Variants in GFAP observed in about 807,000 individuals in gnomAD.
The protein encoded by GFAP is glial fibrillary acidic protein.
In GFAP, 38 loss-of-function variants were observed where a neutral mutation model predicts 49.3. That is an observed-to-expected ratio of 0.77 (90% CI 0.60 to 1.01). The LOEUF is 1.01. GFAP is among the 50% of genes least tolerant of loss of function. The pLI, the probability that GFAP is intolerant of heterozygous loss-of-function variation, is 0.00. For synonymous variants in GFAP, 222 were observed against 236.4 expected (o/e 0.94, Z 0.56); for missense variants, 463 against 579.1 (o/e 0.80, Z 2.06).
rs886053019 is a variant in GFAP at position 44,915,135 on chromosome 17, C to G, written c.352G>C (p.Ala118Pro). The G allele has an allele frequency of 3.7e-6, 6 of 1,614,006 alleles. No homozygotes were observed. The highest frequency in any genetic ancestry group is 5.1e-6 in the Non-Finnish European group (6 of 1,180,046). Residue 118 changes from alanine to proline, a missense_variant, in exon 1 of 9, where the codon GCT becomes CCT. Around this residue, in one of 3 missense-constraint regions of GFAP, gnomAD observed 362 missense variants for 445.5 expected, o/e 0.81. Transcript: ENST00000588735. This position sits in a 1 kb window ranked among gnomAD's most constrained non-coding sequence, Gnocchi z 4.1. ...CGCAGCCGCAGCTCTCGCAGCTCAG[C>G]CTGGTAGACGTCTGCCAGCTTGGTG... ...EPTKLADVYQ[A>P]ELRELRLRLD...
chr17:44,909,620 T>TCCCCCCCCCCCCCCCC (rs201259008), intron 7 of GFAP: 1 of 112,536 alleles, frequency 8.9e-6, no homozygotes, highest in Non-Finnish European at 1.7e-5. Flanking sequence ...AGCTCCCCCC[T>TCCCCCCCCCCCCCCCC]CCCCCCGCCC....
intron 4 of GFAP, 94 bp from the exon 5 acceptor site, chr17:44,911,891 C>T: frequency 2.8e-6 from 4 of 1,436,912 alleles, no homozygotes; most frequent in Non-Finnish European, 3.8e-6. Flanking sequence ...CAGTTAACCC[C>T]AGGACGTTGG....
rs1205505605 is a variant in GFAP, at chr17:44,906,915, A to T, written c.*432T>A. On this transcript the variant is annotated 3_prime_UTR_variant, in exon 9 of 9. Transcript: ENST00000588735. ...CCTGTCTGAGTCTCAGTTTTCCTCCAGCAGCCTGAGGAAACTCAAAGGCAC... is the reference window on the plus strand; with the variant it reads ...CCTGTCTGAGTCTCAGTTTTCCTCCTGCAGCCTGAGGAAACTCAAAGGCAC... 2.0e-5 allele frequency: 5 copies of T among 248,872 alleles called. No individual in the cohort carries two copies. The East Asian group carries it at 4.8e-4, about 24-fold the overall frequency. 15.4% of individuals were successfully genotyped at this position (248,872 alleles called of 1,614,324 possible).
Position 44,915,343 on chromosome 17 carries a change from G to A in GFAP, c.144C>T (p.Thr48=). 1.2e-6 allele frequency: 2 copies of A among 1,612,870 alleles called. No homozygotes were observed. Among genetic ancestry groups the A allele is most frequent in the Non-Finnish European group, 8.5e-7 (1 of 1,179,082 alleles). Residue 48 remains threonine (T), a synonymous_variant, in exon 1 of 9, where the codon ACC becomes ACT. Coordinates refer to ENST00000588735, the MANE Select transcript of GFAP (RefSeq NM_002055.5). The surrounding 1 kb of genome is among the most constrained non-coding windows in gnomAD (Gnocchi z 4.1). ...CCCCAGCCAGGGAGAAATCCACCCGGGTCGGGAGTGGAGGGGGCATTCGAG... is the reference window on the plus strand; with the variant it reads ...CCCCAGCCAGGGAGAAATCCACCCGAGTCGGGAGTGGAGGGGGCATTCGAG... The part of the protein sequence containing the change: ...SLARMPPPLP[T]RVDFSLAGAL...
At position 44,908,922 on chromosome 17, in the gene GFAP, GAAGAAAGA is replaced by G. The variant is rs1186674149; in HGVS notation, c.1172-781_1172-774del. On this transcript the variant is annotated intron_variant, in intron 7 of 8. Coordinates refer to ENST00000588735, the MANE Select transcript of GFAP (RefSeq NM_002055.5). The stretch of plus-strand genomic sequence containing the variant: ...GAAAGGAAGGAAGGAAGGAAGGAAG[GAAGAAAGA>G]AAGAAAGAAAGAAAAAGAAAGATTA... 246 of 103,058 alleles carry G rather than the reference GAAGAAAGA, an allele frequency of 2.4e-3. 3 individuals carry two copies. The Middle Eastern group carries it at 0.036, about 15-fold the overall frequency. The allele number at this position is 103,058 out of a possible 1,614,324, so 6.4% of individuals were successfully genotyped here.
chr17:44,914,805 G>A (rs577356762), intron 1 of GFAP: 4 of 591,574 alleles, frequency 6.8e-6, no homozygotes, highest in East Asian at 5.7e-5. Flanking sequence ...AGGGGACCCT[G>A]GACTCCTGGC....
intron 3 of GFAP, 112 bp from the exon 4 acceptor site, chr17:44,913,542 C>A: frequency 1.7e-6 from 2 of 1,202,884 alleles, no homozygotes; most frequent in Non-Finnish European, 2.5e-6. Flanking sequence ...TTCGAATGCT[C>A]TCTTGTCTCT....
intron 6 of GFAP, 155 bp from the exon 7 acceptor site, chr17:44,910,813 T>C: frequency 9.3e-7 from 1 of 1,078,298 alleles, no homozygotes; most frequent in Non-Finnish European, 1.3e-6. Context: ...GCCAACGTGC[T>C]ATCTGGAGTT....
rs2051641870 is a variant in GFAP at position 44,905,590 on chromosome 17, A to G, written c.*1757T>C. The G allele has an allele frequency of 6.3e-6, 1 of 159,212 alleles. No individual in the cohort carries two copies. Among genetic ancestry groups the G allele is most frequent in the Non-Finnish European group, 1.4e-5 (1 of 72,556 alleles). 9.9% of individuals were successfully genotyped at this position (159,212 alleles called of 1,614,324 possible). A position where few individuals can be genotyped will look rare whatever the true frequency, so the allele number is the denominator to read the frequency against. ...TTGTCAAAGGCTACATCTTGGCCCC[A>G]GTCCCGCCCTCTCATGAACAGATCA... On this transcript the variant is annotated 3_prime_UTR_variant, in exon 9 of 9. Coordinates refer to ENST00000588735, the MANE Select transcript of GFAP (RefSeq NM_002055.5).
chr17:44,913,799 G>A lies in GFAP; in HGVS notation c.547C>T (p.Arg183Cys), dbSNP rs201656479. 16 of 1,613,980 alleles carry A rather than the reference G, an allele frequency of 9.9e-6. No individual in the cohort carries two copies. Among genetic ancestry groups the A allele is most frequent in the Admixed American group, 3.3e-5 (2 of 60,010 alleles). The change falls in exon 3 of 9, where the codon CGT becomes TGT. Residue 183 changes from arginine to cysteine, a missense_variant. Arg to Cys is a radical substitution (Grantham distance 180, BLOSUM62 -3). Transcript: ENST00000588735. ...RQEADEATLARLDLERKIESL... is the reference protein window; with the variant it reads ...RQEADEATLACLDLERKIESL... ...TCAATCTTCCTCTCCAGATCCAGAC[G>A]GGCCAGGGTGGCTTCATCTGCTTCC...
chr17:44,911,919 C>T, intron 4 of GFAP, 122 bp from the exon 5 acceptor site: 2 of 1,131,672 alleles, frequency 1.8e-6, no homozygotes, highest in Non-Finnish European at 2.6e-6. Flanking sequence ...TGGGACTTTT[C>T]CCAACAACTG....
At chr17:44,911,823 C>G in intron 4 of GFAP, 26 bp from the exon 5 acceptor site, 1 of 1,601,966 alleles carries the variant, frequency 6.2e-7, no homozygotes, top group East Asian at 2.2e-5. Context: ...ATATGGGGGG[C>G]TGTGTGGGCC....
chr17:44,911,280 G>C lies in GFAP; in HGVS notation c.1083C>G (p.Ile361Met), dbSNP rs780859347. Residue 361 changes from isoleucine to methionine, a missense_variant, in exon 6 of 9, where the codon ATC becomes ATG. This residue lies in a region of GFAP where 362 missense variants were observed against 445.5 expected (regional missense o/e 0.81). Transcript: ENST00000588735. ...GCAGCTTCCTGTAGGTGGCGATCTC[G>C]ATGTCCAGGGCCAGCTTGACATTGA... The part of the protein sequence containing the change: ...DLLNVKLALD[I>M]EIATYRKLLE... The C allele has an allele frequency of 6.2e-7, 1 of 1,614,198 alleles. No individual in the cohort carries two copies. Among genetic ancestry groups the C allele is most frequent in the Non-Finnish European group, 8.5e-7 (1 of 1,180,034 alleles).
chr17:44,909,776 C>T, intron 7 of GFAP: 1 of 1,114,590 alleles, frequency 9.0e-7, no homozygotes, highest in Non-Finnish European at 1.1e-6. Flanking sequence ...AGCGATGGAG[C>T]CTCAGGGATG....
Position 44,906,826 on chromosome 17 carries a change from A to G in GFAP, c.*521T>C, listed in dbSNP as rs1044806730. On this transcript the variant is annotated 3_prime_UTR_variant, in exon 9 of 9. Transcript: ENST00000588735. Reference sequence around the variant, plus strand: ...AGGCAGCATAGGGATATCCCACCTCATAAAAACCAAAAGACAAAACAAGCC... The same window carrying G: ...AGGCAGCATAGGGATATCCCACCTCGTAAAAACCAAAAGACAAAACAAGCC... The G allele has an allele frequency of 2.9e-5, 6 of 210,364 alleles. No homozygotes were observed. In the South Asian group the frequency reaches 4.8e-4, roughly 17 times the overall value. The allele number at this position is 210,364 out of a possible 1,614,324, so 13.0% of individuals were successfully genotyped here. A position where few individuals can be genotyped will look rare whatever the true frequency, so the allele number is the denominator to read the frequency against.
chr17:44,908,333 G>A (rs530168770), intron 7 of GFAP, 184 bp from the exon 8 acceptor site: 16 of 575,948 alleles, frequency 2.8e-5, no homozygotes, highest in African/African-American at 2.6e-4. Context: ...TAGTGCTGCT[G>A]CCAGAGTCCT....
At position 44,906,728 on chromosome 17, in the gene GFAP, C is replaced by A; in HGVS notation, c.*619G>T. 1 of 169,372 alleles carries A rather than the reference C, an allele frequency of 5.9e-6. No homozygotes were observed. Among genetic ancestry groups the A allele is most frequent in the Non-Finnish European group, 1.3e-5 (1 of 77,770 alleles). 10.5% of individuals were successfully genotyped at this position (169,372 alleles called of 1,614,324 possible). ...CCCTCTGAGCTGGGCATGGTGGCTC[C>A]AATCTATAATCCCAGCTACACAGGA... On this transcript the variant is annotated 3_prime_UTR_variant, in exon 9 of 9. Transcript: ENST00000588735.
chr17:44,913,306 C>T lies in GFAP; in HGVS notation c.743G>A (p.Ser248Asn), dbSNP rs1343320037. The T allele has an allele frequency of 1.9e-6, 3 of 1,614,114 alleles. No homozygotes were observed. The highest frequency in any genetic ancestry group is 2.2e-5 in the East Asian group (1 of 44,892). ...CCACTCTTCGGCTTCATGCATGTTG[C>T]TGGACGCCATTGCCTCATACTGCGT... is the stretch of plus-strand genomic sequence containing the variant. Reference protein sequence around the residue: ...IRTQYEAMASSNMHEAEEWYR... With the variant: ...IRTQYEAMASNNMHEAEEWYR... The change falls in exon 4 of 9, where the codon AGC becomes AAC. Residue 248 changes from serine (S) to asparagine (N), a missense_variant. Physicochemically the swap from Ser to Asn is conservative, Grantham distance 46. Transcript: ENST00000588735.
rs2051600269 is a variant in GFAP, at chr17:44,903,623, T to A, written c.*3724A>T. ...TCCCCCCCCACCCTGAGATCAGGTC[T>A]GGAATGTTAGAAGGGCATCTTGTAC... On this transcript the variant is annotated 3_prime_UTR_variant, in exon 9 of 9. Coordinates refer to ENST00000588735, the MANE Select transcript of GFAP (RefSeq NM_002055.5). 1 of 1,429,864 alleles carries A rather than the reference T, an allele frequency of 7.0e-7. No homozygotes were observed. The highest frequency in any genetic ancestry group is 2.9e-5 in the Admixed American group (1 of 33,988). 88.6% of individuals were successfully genotyped at this position (1,429,864 alleles called of 1,614,324 possible). A position where few individuals can be genotyped will look rare whatever the true frequency, so the allele number is the denominator to read the frequency against.
Sources: allele counts gnomAD v4.1 joint callset, GRCh38; gene constraint gnomAD v4.1.1; regional missense constraint gnomAD v4.1.1; non-coding constraint Gnocchi (gnomAD v3.1); transcripts MANE v1.5; gene names NCBI Gene and HGNC (gene_info 2026-07-23, HGNC 2026-07-21).